The following RUFY4 variants were observed in gnomAD, a reference collection of about 807,000 sequenced individuals.
The protein encoded by RUFY4 is RUN and FYVE domain containing 4.
RUFY4 carries 73 observed loss-of-function variants against 69.0 expected under a neutral mutation model. The ratio of observed to expected loss-of-function variants is 1.06; its 90% confidence interval spans 0.88 to 1.29. The LOEUF (loss-of-function observed/expected upper bound fraction) is 1.29, where lower values mean the gene tolerates loss of function less well. Among genes scored for constraint, RUFY4 ranks in the 50% most tolerant of loss-of-function variants. The probability of loss-of-function intolerance (pLI) is 0.00; values close to 1 mark genes in which losing one functional copy is unlikely to be tolerated. For missense variants in RUFY4, 770 were observed against 705.6 expected (o/e 1.09, Z -1.03); for synonymous variants, 287 against 271.8 (o/e 1.06, Z -0.55).
chr2:218,075,414 G>T lies in RUFY4; in HGVS notation c.922G>T (p.Glu308Ter). The change falls in exon 7 of 11, where the codon GAG (glutamate) becomes TAG (stop). Residue 308 changes from glutamate (E) to a stop codon, truncating the protein, a stop_gained. Transcript: ENST00000344321. LOFTEE classifies it high-confidence loss of function. ...GAAGGGGGCTATGGGCACTCAGAAG[G>T]AGGTGATAGGGATGGAGGCTGAGGT... 3 of 1,612,914 alleles carry T rather than the reference G, an allele frequency of 1.9e-6. No homozygotes were observed. The South Asian group carries it at 3.3e-5, about 18-fold the overall frequency.
At chr2:218,066,613 C>T (rs570206430), upstream of RUFY4, among the ~76,000 whole-genome samples, 5 of 152,208 alleles carry the variant, frequency 3.3e-5, no homozygotes, top group Admixed American at 1.3e-4. Context: ...GATTCAATGA[C>T]GGTACAGACA....
chr2:218,077,857 C>A (rs1234575392), intron 8 of RUFY4, among the ~76,000 whole-genome samples: 1 of 152,212 alleles, frequency 6.6e-6, no homozygotes, highest in African/African-American at 2.4e-5. Flanking sequence ...CGATTCAGGG[C>A]AAAATGAACA....
chr2:218,050,263 C>A (rs10170187), intron 2 of RUFY4, among the ~76,000 whole-genome samples: 1 of 151,940 alleles, frequency 6.6e-6, no homozygotes, highest in Non-Finnish European at 1.5e-5. Context: ...AATTCTTCTC[C>A]GCCTTACTCA....
intron 2 of RUFY4, among the ~76,000 whole-genome samples, chr2:218,057,401 T>G (rs1689086654): frequency 6.6e-6 from 1 of 152,224 alleles, no homozygotes; most frequent in Non-Finnish European, 1.5e-5. Flanking sequence ...TTATAATTTT[T>G]TATACAAATG....
rs757165213 is a variant in RUFY4 at position 218,083,164 on chromosome 2, G to A, written c.1410G>A (p.Glu470=). 44 of 1,613,654 alleles carry A rather than the reference G, an allele frequency of 2.7e-5. No homozygotes were observed. The South Asian group carries it at 4.2e-4, about 15-fold the overall frequency. The change falls in exon 9 of 11, where the codon GAG becomes GAA. Residue 470 remains glutamate, a synonymous_variant. Coordinates refer to ENST00000344321, the Ensembl canonical transcript of RUFY4. ...CACAGCTGGAGCAGAAGCAACAGGA[G>A]GCTGAGAGGAGGGATGCCATGTACC... is the stretch of plus-strand genomic sequence containing the variant.
intron 2 of RUFY4, among the ~76,000 whole-genome samples, chr2:218,048,687 T>C (rs1233376978): frequency 2.0e-5 from 3 of 152,188 alleles, no homozygotes; most frequent in Admixed American, 6.5e-5. Flanking sequence ...CTGATTTCTA[T>C]TTTTTTAATC....
At chr2:218,051,847 A>G (rs1574496131) in intron 2 of RUFY4, among the ~76,000 whole-genome samples, 1 of 152,352 alleles carries the variant, frequency 6.6e-6, no homozygotes, top group East Asian at 1.9e-4. Flanking sequence ...TTAGTAAACA[A>G]CAACAACAAC....
At chr2:218,085,620 T>C (rs1254139513) in intron 9 of RUFY4, among the ~76,000 whole-genome samples, 1 of 152,196 alleles carries the variant, frequency 6.6e-6, no homozygotes, top group Non-Finnish European at 1.5e-5. Flanking sequence ...GAGCCACACA[T>C]GGCAGAAGTG....
intron 6 of RUFY4, among the ~76,000 whole-genome samples, chr2:218,074,547 C>T (rs1574511514): frequency 1.3e-5 from 2 of 152,040 alleles, no homozygotes. Flanking sequence ...TTCAGGGTCT[C>T]TTCATGGAGA....
At chr2:218,072,012 G>A (rs1574509372) in intron 2 of RUFY4, among the ~76,000 whole-genome samples, 2 of 152,322 alleles carry the variant, frequency 1.3e-5, no homozygotes, top group South Asian at 4.1e-4. Context: ...AAGGCTAGGG[G>A]CACTCCATGG....
At chr2:218,089,182 G>T in intron 9 of RUFY4, 70 bp from the exon 12 acceptor site, 1 of 1,214,476 alleles carries the variant, frequency 8.2e-7, no homozygotes. Context: ...TCTCTGTCTG[G>T]GTCTTTTCCC....
chr2:218,036,367 G>A (rs1449845280), intron 2 of RUFY4, among the ~76,000 whole-genome samples: 3 of 152,146 alleles, frequency 2.0e-5, no homozygotes, highest in Non-Finnish European at 4.4e-5. Context: ...GTGAGACTCA[G>A]GGTTCTTCCT....
At chr2:218,077,547 C>A (rs1397158081) in intron 8 of RUFY4, among the ~76,000 whole-genome samples, 1 of 152,138 alleles carries the variant, frequency 6.6e-6, no homozygotes, top group Admixed American at 6.5e-5. Flanking sequence ...AGAGATCTTC[C>A]GTGGCCTGAC....
At chr2:218,063,201 C>A (rs1689241765) in intron 3 of RUFY4, among the ~76,000 whole-genome samples, 1 of 152,222 alleles carries the variant, frequency 6.6e-6, no homozygotes, top group Non-Finnish European at 1.5e-5. Context: ...ATAGATCACC[C>A]TCTGGCCATT....
At chr2:218,079,380 T>C (rs575711021) in intron 8 of RUFY4, among the ~76,000 whole-genome samples, 6 of 152,236 alleles carry the variant, frequency 3.9e-5, no homozygotes, top group African/African-American at 1.4e-4. Context: ...AAGACAGAAG[T>C]TGAGAATGAC....
chr2:218,088,814 G>C (rs1689955388), intron 9 of RUFY4, among the ~76,000 whole-genome samples: 1 of 151,798 alleles, frequency 6.6e-6, no homozygotes, highest in Non-Finnish European at 1.5e-5. Flanking sequence ...CTCCATATCT[G>C]TGTCTTCTCC....
chr2:218,061,064 G>C, intron 3 of RUFY4: 1 of 629,998 alleles, frequency 1.6e-6, no homozygotes, highest in East Asian at 3.5e-5. Context: ...AGACCACCTG[G>C]CACAGATTGT....
At chr2:218,041,027 G>C (rs1688681419) in intron 2 of RUFY4, among the ~76,000 whole-genome samples, 1 of 147,086 alleles carries the variant, frequency 6.8e-6, no homozygotes, top group African/African-American at 2.7e-5. Context: ...TGGTTCTCTA[G>C]AGAACCATCT....
chr2:218,084,225 T>C (rs1420231140), intron 9 of RUFY4, among the ~76,000 whole-genome samples: 1 of 151,844 alleles, frequency 6.6e-6, no homozygotes, highest in African/African-American at 2.4e-5. Flanking sequence ...TGCTAAGGGT[T>C]TTTTGTTTGC....
Sources: gnomAD v4.1 joint callset for allele counts (sites outside exome capture counted in the v4.1 genomes callset) on GRCh38, gnomAD v4.1.1 for gene constraint, MANE v1.5 for transcripts, NCBI Gene and HGNC (gene_info 2026-07-23, HGNC 2026-07-21) for gene names.